Variants in CADPS2 observed in about 807,000 individuals in gnomAD.
CADPS2 encodes calcium dependent secretion activator 2, also known as calcium-dependent secretion activator 2.
CADPS2 carries 93 observed loss-of-function variants against 172.5 expected under a neutral mutation model. That is an observed-to-expected ratio of 0.54 (90% CI 0.46 to 0.64). The LOEUF (loss-of-function observed/expected upper bound fraction) is 0.64. CADPS2 is among the 30% of genes least tolerant of loss of function. The probability of loss-of-function intolerance (pLI) is 0.00; values close to 1 mark genes in which losing one functional copy is unlikely to be tolerated. For synonymous variants in CADPS2, 546 were observed against 555.2 expected (o/e 0.98, Z 0.23); for missense variants, 1,420 against 1,565.9 (o/e 0.91, Z 1.57).
At chr7:122,427,326 G>A (rs956797122) in intron 17 of CADPS2, 15 of 152,030 alleles carry the variant, frequency 9.9e-5, no homozygotes, top group Admixed American at 3.3e-4. Flanking sequence ...ATGGGGGCAC[G>A]CTATGTTTTA....
In CADPS2 at chr7:122,725,402, G is replaced by T. The variant is rs982680589; in HGVS notation, c.453+11553C>A. Among the ~76,000 whole-genome samples, 7 of 151,834 alleles carry T rather than the reference G, an allele frequency of 4.6e-5. No individual in the cohort carries two copies. The East Asian group carries it at 1.4e-3, about 29-fold the overall frequency. Reference sequence around the variant, plus strand: ...GTGTGTATATGTGGATGGATGGATGGATGGATAGATTGATTGATTTAGGGG... The same window carrying T: ...GTGTGTATATGTGGATGGATGGATGTATGGATAGATTGATTGATTTAGGGG... On this transcript the variant is annotated intron_variant, in intron 2 of 29. Transcript: ENST00000449022.
chr7:122,627,667 T>C (rs946849528), intron 4 of CADPS2, among the ~76,000 whole-genome samples: 15 of 152,156 alleles, frequency 9.9e-5, no homozygotes, highest in Non-Finnish European at 1.3e-4. Context: ...AACTTTATTC[T>C]AAAGCATTAC....
intron 11 of CADPS2, among the ~76,000 whole-genome samples, chr7:122,484,974 C>G (rs1319914887): frequency 2.6e-5 from 4 of 152,072 alleles, no homozygotes; most frequent in African/African-American, 9.7e-5. Context: ...ATTAGTAGAT[C>G]TATCACGGTC....
chr7:122,331,892 T>C (rs1416129814), intron 28 of CADPS2: 1 of 152,206 alleles, frequency 6.6e-6, no homozygotes, highest in Non-Finnish European at 1.5e-5. Context: ...TTATTTCACT[T>C]CTCTATAGAA....
At chr7:122,645,062 C>G (rs2078154258) in intron 3 of CADPS2, among the ~76,000 whole-genome samples, 1 of 151,680 alleles carries the variant, frequency 6.6e-6, no homozygotes, top group Non-Finnish European at 1.5e-5. Context: ...CCTATGTGAA[C>G]TGAACTAAAC....
chr7:122,598,048 T>C (rs2072144296), intron 6 of CADPS2, among the ~76,000 whole-genome samples: 1 of 152,116 alleles, frequency 6.6e-6, no homozygotes, highest in African/African-American at 2.4e-5. Flanking sequence ...AGGTATTTAG[T>C]TATTTTAGAA....
chr7:122,342,192 G>C (rs367787132), intron 28 of CADPS2, among the ~76,000 whole-genome samples: 1 of 152,084 alleles, frequency 6.6e-6, no homozygotes, highest in Non-Finnish European at 1.5e-5. Context: ...TATTATTGGA[G>C]ATGGGAATGA....
chr7:122,464,186 C>A (rs2054840661), intron 14 of CADPS2, among the ~76,000 whole-genome samples: 1 of 152,088 alleles, frequency 6.6e-6, no homozygotes, highest in South Asian at 2.1e-4. Context: ...TGTCAGATTG[C>A]CAGAAACTAA....
intron 7 of CADPS2, among the ~76,000 whole-genome samples, chr7:122,579,450 A>AATATATATATATATATATATATATAT (rs3034498): frequency 1.3e-3 from 166 of 128,610 alleles, no homozygotes; most frequent in African/African-American, 2.5e-3. Flanking sequence ...AATTGCATCG[A>AATATATATATATATATATATATATAT]ATATATATAT....
chr7:122,579,450 A>AAAAT (rs1554638936), intron 7 of CADPS2, among the ~76,000 whole-genome samples: 3 of 128,668 alleles, frequency 2.3e-5, no homozygotes, highest in East Asian at 4.7e-4. Flanking sequence ...AATTGCATCG[A>AAAAT]ATATATATAT....
chr7:122,330,221 G>A (rs2034681784), intron 28 of CADPS2, among the ~76,000 whole-genome samples: 1 of 152,044 alleles, frequency 6.6e-6, no homozygotes. Flanking sequence ...TCTCACCTTA[G>A]GAAATATGTA....
In CADPS2 at chr7:122,658,546, T is replaced by C. The variant is rs147607062; in HGVS notation, c.786+4691A>G. ...TGGCACATATACACCATGGAAATAC[T>C]ATGCAGCCGTAAAAAAGGATGAGTT... is the stretch of plus-strand genomic sequence containing the variant. On this transcript the variant is annotated intron_variant, in intron 3 of 29. Transcript: ENST00000449022. Among the ~76,000 whole-genome samples, 101 of 152,324 alleles carry C rather than the reference T, an allele frequency of 6.6e-4. 1 individual carries two copies. The Middle Eastern group carries it at 0.02, about 31-fold the overall frequency.
intron 14 of CADPS2, among the ~76,000 whole-genome samples, chr7:122,456,127 G>C (rs1448822558): frequency 6.6e-6 from 1 of 152,064 alleles, no homozygotes; most frequent in Non-Finnish European, 1.5e-5. Context: ...TTCACACTTA[G>C]CAGAAAATCT....
At chr7:122,879,292 C>T (rs2141699611) in intron 1 of CADPS2, among the ~76,000 whole-genome samples, 1 of 144,014 alleles carries the variant, frequency 6.9e-6, no homozygotes, top group East Asian at 2.1e-4. Context: ...AATCCTAGCA[C>T]TTTGGGAGGC....
chr7:122,666,456 GC>G (rs1359997830), intron 2 of CADPS2, among the ~76,000 whole-genome samples: 4 of 151,316 alleles, frequency 2.6e-5, no homozygotes, highest in Admixed American at 2.0e-4. Context: ...CAATTCTGCT[GC>G]CTCAGCCTCC....
chr7:122,472,690 T>C (rs932313464), intron 13 of CADPS2, among the ~76,000 whole-genome samples: 6 of 152,174 alleles, frequency 3.9e-5, no homozygotes, highest in African/African-American at 1.4e-4. Flanking sequence ...CTATCCCTTA[T>C]TGATGTTCAC....
rs1169693712 is a variant in CADPS2, at chr7:122,381,348, C to T, written c.3313-1906G>A. Among the ~76,000 whole-genome samples the T allele has an allele frequency of 2.0e-5, 3 of 152,266 alleles. No homozygotes were observed. In the East Asian group the frequency reaches 5.8e-4, roughly 30 times the overall value. Reference sequence around the variant, plus strand: ...GGAAAGAGATACAGGAGTTGGGCTTCAAGCATCTCACTTCCCTCTTACATG... The same window carrying T: ...GGAAAGAGATACAGGAGTTGGGCTTTAAGCATCTCACTTCCCTCTTACATG... On this transcript the variant is annotated intron_variant, in intron 24 of 29. Transcript: ENST00000449022.
chr7:122,863,247 G>C (rs1187321247), intron 1 of CADPS2, among the ~76,000 whole-genome samples: 1 of 152,078 alleles, frequency 6.6e-6, no homozygotes, highest in Non-Finnish European at 1.5e-5. Flanking sequence ...GCGAAAACTT[G>C]CTATATATTA....
At chr7:122,763,720 A>T (rs1201471468) in intron 1 of CADPS2, among the ~76,000 whole-genome samples, 1 of 152,158 alleles carries the variant, frequency 6.6e-6, no homozygotes, top group Non-Finnish European at 1.5e-5. Flanking sequence ...GAACTTTGAT[A>T]ATTCCAAAGG....
Sources: allele counts gnomAD v4.1 joint callset (sites outside exome capture counted in the v4.1 genomes callset), GRCh38; gene constraint gnomAD v4.1.1; transcripts MANE v1.5; gene names NCBI Gene and HGNC (gene_info 2026-07-23, HGNC 2026-07-21).